The following GALNT13 variants were observed in gnomAD, a reference collection of about 807,000 sequenced individuals.
GALNT13 encodes the protein UDP-GalNAc:polypeptide N-acetylgalactosaminyltransferase 13.
A neutral mutation model predicts 64.2 loss-of-function variants in GALNT13; 28 were observed. That is an observed-to-expected ratio of 0.44 (90% CI 0.32 to 0.60). The LOEUF (loss-of-function observed/expected upper bound fraction) is 0.60, where lower values mean the gene tolerates loss of function less well. Among genes scored for constraint, GALNT13 ranks in the 20% least tolerant of loss-of-function variants. The pLI is 0.05. For missense variants in GALNT13, 577 were observed against 669.8 expected, an observed-to-expected ratio of 0.86 and a Z score of 1.53; for synonymous variants, 214 against 224.6, an observed-to-expected ratio of 0.95 and a Z score of 0.42.
chr2:154,298,467 AAATT>A (rs1693073255), intron 8 of GALNT13, among the ~76,000 whole-genome samples: 1 of 105,828 alleles, frequency 9.4e-6, no homozygotes. Context: ...ATACATATAT[AAATT>A]ATATATAAAT....
At chr2:153,372,243 C>A in the GALNT13 span, among the ~76,000 whole-genome samples, 2 of 152,230 alleles carry the variant, frequency 1.3e-5, no homozygotes, top group Admixed American at 6.5e-5. Flanking sequence ...AATTTATCAT[C>A]CCCACTTTCT....
At chr2:153,856,373 A>G in the GALNT13 span, among the ~76,000 whole-genome samples, 1 of 152,172 alleles carries the variant, frequency 6.6e-6, no homozygotes, top group African/African-American at 2.4e-5. Context: ...CAAGACCCAG[A>G]GTGGAAGATA....
At chr2:154,420,204 A>C (rs143462074) in intron 11 of GALNT13, among the ~76,000 whole-genome samples, 1 of 152,194 alleles carries the variant, frequency 6.6e-6, no homozygotes, top group East Asian at 1.9e-4. Context: ...TGAAAATGGG[A>C]ATCTGTTACC....
At chr2:153,759,846 A>G in the GALNT13 span, among the ~76,000 whole-genome samples, 3 of 151,992 alleles carry the variant, frequency 2.0e-5, no homozygotes, top group African/African-American at 7.2e-5. Context: ...AATTGGAAAT[A>G]CTCATTTTTG....
chr2:153,260,784 T>C, the GALNT13 span, among the ~76,000 whole-genome samples: 1 of 152,170 alleles, frequency 6.6e-6, no homozygotes, highest in Non-Finnish European at 1.5e-5. Flanking sequence ...ATAATCTTTC[T>C]ACCCTGAACT....
At chr2:154,220,170 G>C (rs1688251798) in intron 4 of GALNT13, among the ~76,000 whole-genome samples, 1 of 151,996 alleles carries the variant, frequency 6.6e-6, no homozygotes, top group South Asian at 2.1e-4. Context: ...ACTTCAATGA[G>C]TACTAGAATC....
chr2:153,899,633 T>G (rs1688098514), intron 1 of GALNT13, among the ~76,000 whole-genome samples: 1 of 152,078 alleles, frequency 6.6e-6, no homozygotes, highest in Non-Finnish European at 1.5e-5. Flanking sequence ...TAGAGGAAGA[T>G]AAATTAGATT....
chr2:153,421,471 G>A, the GALNT13 span: 1 of 221,344 alleles, frequency 4.5e-6, no homozygotes, highest in Non-Finnish European at 1.0e-5. Context: ...GAAACCTGCA[G>A]GGCTAGGTAA....
chr2:153,095,244 T>G, the GALNT13 span, among the ~76,000 whole-genome samples: 1 of 152,180 alleles, frequency 6.6e-6, no homozygotes, highest in Non-Finnish European at 1.5e-5. Context: ...GAACAGATAC[T>G]TCTCAAAAGA....
chr2:153,533,363 C>T, the GALNT13 span, among the ~76,000 whole-genome samples: 6 of 151,926 alleles, frequency 3.9e-5, no homozygotes, highest in East Asian at 1.2e-3. Flanking sequence ...GCAATTCTCC[C>T]ACCTCAGCCT....
At chr2:153,538,385 T>A in the GALNT13 span, among the ~76,000 whole-genome samples, 1 of 145,182 alleles carries the variant, frequency 6.9e-6, no homozygotes, top group East Asian at 2.0e-4. Flanking sequence ...TATTTTATTT[T>A]ATTTTATTTT....
At chr2:153,131,828 A>G in the GALNT13 span, among the ~76,000 whole-genome samples, 1 of 152,016 alleles carries the variant, frequency 6.6e-6, no homozygotes, top group Non-Finnish European at 1.5e-5. Flanking sequence ...CTCAACAAGC[A>G]TTTGGAGTAT....
the GALNT13 span, among the ~76,000 whole-genome samples, chr2:153,371,342 T>C: frequency 6.6e-6 from 1 of 152,074 alleles, no homozygotes; most frequent in Non-Finnish European, 1.5e-5. Flanking sequence ...TATAATAAGT[T>C]AGGAAAGGTA....
At chr2:153,622,734 A>G in the GALNT13 span, among the ~76,000 whole-genome samples, 1 of 152,186 alleles carries the variant, frequency 6.6e-6, no homozygotes, top group South Asian at 2.1e-4. Context: ...ATAAAATTTA[A>G]CTTTTAATAG....
At chr2:153,962,728 A>G (rs1241541570) in intron 3 of GALNT13, among the ~76,000 whole-genome samples, 1 of 152,170 alleles carries the variant, frequency 6.6e-6, no homozygotes, top group Non-Finnish European at 1.5e-5. Context: ...GTTTGGACAA[A>G]TGGATCTCAG....
At chr2:153,647,102 T>G in the GALNT13 span, among the ~76,000 whole-genome samples, 1 of 152,156 alleles carries the variant, frequency 6.6e-6, no homozygotes, top group African/African-American at 2.4e-5. Context: ...TGTTCCTATT[T>G]CTCCACATCC....
the GALNT13 span, among the ~76,000 whole-genome samples, chr2:153,468,229 TTTTC>T: frequency 6.6e-6 from 1 of 152,068 alleles, no homozygotes; most frequent in African/African-American, 2.4e-5. Flanking sequence ...CACTGTTACA[TTTTC>T]TTTCTTTCTC....
chr2:153,259,157 A>T, the GALNT13 span, among the ~76,000 whole-genome samples: 1 of 151,720 alleles, frequency 6.6e-6, no homozygotes, highest in African/African-American at 2.4e-5. Context: ...TGGTGAATTG[A>T]CCCCCTTATC....
At chr2:154,040,617 A>C (rs1288958736) in intron 3 of GALNT13, among the ~76,000 whole-genome samples, 1 of 140,354 alleles carries the variant, frequency 7.1e-6, no homozygotes, top group Non-Finnish European at 1.6e-5. Context: ...AAATGTTTTG[A>C]GTGTTGTCCT....
Sources: gnomAD v4.1 joint callset for allele counts (sites outside exome capture counted in the v4.1 genomes callset) on GRCh38, gnomAD v4.1.1 for gene constraint, MANE v1.5 for transcripts, NCBI Gene and HGNC (gene_info 2026-07-23, HGNC 2026-07-21) for gene names.